The following STT3A variants were observed in gnomAD, a reference collection of about 807,000 sequenced individuals.
The protein encoded by STT3A is dolichyl-diphosphooligosaccharide--protein glycosyltransferase subunit STT3A.
In STT3A, 34 loss-of-function variants were observed where a neutral mutation model predicts 89.2. The observed-to-expected ratio is 0.38, with a 90% CI of 0.29 to 0.51. The LOEUF (loss-of-function observed/expected upper bound fraction) is 0.51. STT3A is among the 20% of genes least tolerant of loss of function. STT3A has a pLI of 0.89. For synonymous variants in STT3A, 282 were observed against 310.3 expected (o/e 0.91, Z 0.96); for missense variants, 555 against 889.5 (o/e 0.62, Z 4.78).
chr11:125,617,952 G>GT (rs1449736221), intron 15 of STT3A, among the ~76,000 whole-genome samples: 5 of 152,008 alleles, frequency 3.3e-5, no homozygotes, highest in African/African-American at 4.8e-5. Context: ...TTTGGGGTTT[G>GT]TTTTTTTTAC....
In STT3A at chr11:125,612,663, C is replaced by G; in HGVS notation, c.1281C>G (p.Ser427=). 6.2e-7 allele frequency: 1 copy of G among 1,614,050 alleles called. No individual in the cohort carries two copies. The highest frequency in any genetic ancestry group is 8.5e-7 in the Non-Finnish European group (1 of 1,180,006). ...GCATTGGAGTCTCCCAGGTGCTGTC[C>G]ACATACATGAAGAATCTGGACATAA... is the stretch of plus-strand genomic sequence containing the variant. ...LSGIGVSQVL[S]TYMKNLDISR... Residue 427 remains serine, a synonymous_variant, in exon 12 of 18, where the codon TCC becomes TCG. Coordinates refer to ENST00000392708, the MANE Select transcript of STT3A (RefSeq NM_152713.5).
At position 125,604,262 on chromosome 11, in the gene STT3A, A is replaced by C. The variant is rs1185000019; in HGVS notation, c.508+15A>C. ...TGATAATGAAGGTAAGACTTTTAAA[A>C]TGCTGAAGAAGATCATCTCACCTCA... On this transcript the variant is annotated intron_variant, in intron 6 of 17. Transcript: ENST00000392708. 6.2e-7 allele frequency: 1 copy of C among 1,612,612 alleles called. No homozygotes were observed. The highest frequency in any genetic ancestry group is 1.3e-5 in the African/African-American group (1 of 74,886).
chr11:125,602,714 A>G, intron 4 of STT3A, 89 bp from the exon 5 acceptor site: 1 of 1,530,486 alleles, frequency 6.5e-7, no homozygotes, highest in East Asian at 2.3e-5. Flanking sequence ...AGACTTACAT[A>G]GTCACTTTAT....
Position 125,613,277 on chromosome 11 carries a change from G to A in STT3A, c.1554+100G>A. 7.6e-7 allele frequency: 1 copy of A among 1,317,508 alleles called. No homozygotes were observed. The highest frequency in any genetic ancestry group is 1.0e-6 in the Non-Finnish European group (1 of 955,602). 81.6% of individuals were successfully genotyped at this position (1,317,508 alleles called of 1,614,324 possible). ...CAGCTTTTAGATGGGTGGAAAGCTG[G>A]GTGAAACTGGAACTTTGCAACTCTA... is the stretch of plus-strand genomic sequence containing the variant. On this transcript the variant is annotated intron_variant, in intron 13 of 17. Coordinates refer to ENST00000392708, the MANE Select transcript of STT3A (RefSeq NM_152713.5). The surrounding 1 kb of genome is among the most constrained non-coding windows in gnomAD (Gnocchi z 4.2).
At chr11:125,620,238 G>A in intron 17 of STT3A, 112 bp downstream of exon 17, 1 of 808,406 alleles carries the variant, frequency 1.2e-6, no homozygotes. Context: ...CATGACACCT[G>A]TGCTTGAAAA....
chr11:125,605,449 T>G (rs56188726), intron 6 of STT3A, among the ~76,000 whole-genome samples, 180 bp from the exon 7 acceptor site: 3 of 152,150 alleles, frequency 2.0e-5, no homozygotes, highest in African/African-American at 4.8e-5. Flanking sequence ...TCAGAACACT[T>G]TTATGAAGTA....
chr11:125,598,135 G>A (rs917804392), intron 3 of STT3A, among the ~76,000 whole-genome samples: 1 of 151,964 alleles, frequency 6.6e-6, no homozygotes, highest in African/African-American at 2.4e-5. Flanking sequence ...TCGCTTGAAC[G>A]CAGGAGGTGG....
At chr11:125,595,468 C>A (rs1591368980) in intron 1 of STT3A, among the ~76,000 whole-genome samples, 1 of 152,116 alleles carries the variant, frequency 6.6e-6, no homozygotes, top group African/African-American at 2.4e-5. Flanking sequence ...GCTTCCCCCC[C>A]TCCGCCCCTG....
chr11:125,592,300 A>C (rs139953537), upstream of STT3A: 62 of 421,572 alleles, frequency 1.5e-4, no homozygotes, highest in African/African-American at 1.0e-3. Context: ...ACTATCAGGC[A>C]CATCCTGCAA....
Position 125,622,666 on chromosome 11 carries a change from T to C in STT3A, c.*1856T>C. 6.6e-6 allele frequency: 1 copy of C among 152,486 alleles called. No individual in the cohort carries two copies. Among genetic ancestry groups the C allele is most frequent in the East Asian group, 1.9e-4 (1 of 5,192 alleles). The allele number at this position is 152,486 out of a possible 1,614,324, so 9.4% of individuals were successfully genotyped here. On this transcript the variant is annotated 3_prime_UTR_variant, in exon 18 of 18. Coordinates refer to ENST00000392708, the MANE Select transcript of STT3A (RefSeq NM_152713.5). ...TGGGAGGCTGAAGCATGCGGATCAC[T>C]TGAGCCCAGGAGTTCAAGACCAGCC...
chr11:125,597,813 T>C (rs1298772773), intron 3 of STT3A, among the ~76,000 whole-genome samples: 3 of 152,258 alleles, frequency 2.0e-5, no homozygotes, highest in Admixed American at 6.5e-5. Flanking sequence ...TATTAATAAC[T>C]AGTATTTACT....
chr11:125,599,434 CAG>C (rs1290325343), intron 3 of STT3A, among the ~76,000 whole-genome samples: 2 of 151,958 alleles, frequency 1.3e-5, no homozygotes, highest in African/African-American at 4.8e-5. Flanking sequence ...TTTTTGGAAA[CAG>C]GGTCTTGCTG....
At position 125,606,291 on chromosome 11, in the gene STT3A, T is replaced by A; in HGVS notation, c.616-10T>A. ...ACTCAGAGGAACTGTTTTTTTCTAT[T>A]CCATCATAGGTCTCGTCATGGGGAG... On this transcript the variant is annotated splice_polypyrimidine_tract_variant and intron_variant, in intron 7 of 17. Coordinates refer to ENST00000392708, the MANE Select transcript of STT3A (RefSeq NM_152713.5). The A allele has an allele frequency of 6.2e-7, 1 of 1,611,298 alleles. No homozygotes were observed. The highest frequency in any genetic ancestry group is 8.5e-7 in the Non-Finnish European group (1 of 1,178,912).
At position 125,611,452 on chromosome 11, in the gene STT3A, A is replaced by G. The variant is rs1940012009; in HGVS notation, c.1142A>G (p.Asn381Ser). 1 of 1,613,952 alleles carries G rather than the reference A, an allele frequency of 6.2e-7. No individual in the cohort carries two copies. Among genetic ancestry groups the G allele is most frequent in the Non-Finnish European group, 8.5e-7 (1 of 1,179,926 alleles). Residue 381 changes from asparagine to serine, a missense_variant, in exon 11 of 18, where the codon AAC (asparagine) becomes AGC (serine). By Grantham distance (46) the Asn-to-Ser change is conservative (BLOSUM62 1). This residue lies in a region of STT3A where 273 missense variants were observed against 449.8 expected (regional missense o/e 0.61). Transcript: ENST00000392708. ...GTTGGCCTCTATTACTGCTTTAGCAACCTGTCTGATGCCCGGATTTTTATC... is the reference window on the plus strand; with the variant it reads ...GTTGGCCTCTATTACTGCTTTAGCAGCCTGTCTGATGCCCGGATTTTTATC... Reference protein sequence around the residue: ...FPVGLYYCFSNLSDARIFIIM... With the variant: ...FPVGLYYCFSSLSDARIFIIM...
intron 9 of STT3A, 154 bp from the exon 10 acceptor site, chr11:125,609,280 G>T: frequency 1.2e-6 from 1 of 838,176 alleles, no homozygotes. Context: ...AGAAAGGAAG[G>T]AGTGAAACTC....
rs1343419870 is a variant in STT3A at position 125,614,266 on chromosome 11, A to C, written c.1672-58A>C. The C allele has an allele frequency of 5.6e-6, 9 of 1,612,656 alleles. No homozygotes were observed. Among genetic ancestry groups the C allele is most frequent in the South Asian group, 1.1e-5 (1 of 91,068 alleles). ...AAGGTCTAATGGGAAATGTGTCTGCATGAGGGGATCATATGACTTGGGATT... is the reference window on the plus strand; with the variant it reads ...AAGGTCTAATGGGAAATGTGTCTGCCTGAGGGGATCATATGACTTGGGATT... On this transcript the variant is annotated intron_variant, in intron 14 of 17. Transcript: ENST00000392708. The surrounding 1 kb of genome is among the most constrained non-coding windows in gnomAD (Gnocchi z 4.9).
intron 17 of STT3A, 48 bp from the exon 18 acceptor site, chr11:125,620,717 ATTTCTCC>A: frequency 6.3e-7 from 1 of 1,578,478 alleles, no homozygotes; most frequent in Admixed American, 1.7e-5. Context: ...TTAGTAGAAA[ATTTCTCC>A]AAAGTTGATC....
intron 11 of STT3A, among the ~76,000 whole-genome samples, chr11:125,611,863 ATTTTTTTTT>A (rs59685125): frequency 1.6e-4 from 9 of 56,972 alleles, no homozygotes; most frequent in East Asian, 1.2e-3. Flanking sequence ...AGGGATTTGA[ATTTTTTTTT>A]TTTTTTTTTT....
Position 125,614,477 on chromosome 11 carries a change from C to A in STT3A, c.1774+51C>A, listed in dbSNP as rs374738976. On this transcript the variant is annotated intron_variant, in intron 15 of 17. Coordinates refer to ENST00000392708, the MANE Select transcript of STT3A (RefSeq NM_152713.5). This position sits in a 1 kb window ranked among gnomAD's most constrained non-coding sequence, Gnocchi z 4.9. ...CTGCAGGACATAGATTCTAAGAAAA[C>A]TAGATGAATATCCTAGTTTTCTGTA... 2.6e-6 allele frequency: 4 copies of A among 1,509,884 alleles called. No homozygotes were observed. The African/African-American group carries it at 5.5e-5, about 21-fold the overall frequency. The allele number at this position is 1,509,884 out of a possible 1,614,324, so 93.5% of individuals were successfully genotyped here. A position where few individuals can be genotyped will look rare whatever the true frequency, so the allele number is the denominator to read the frequency against.
Sources: gnomAD v4.1 joint callset for allele counts (sites outside exome capture counted in the v4.1 genomes callset) on GRCh38, gnomAD v4.1.1 for gene constraint, gnomAD v4.1.1 regional missense constraint, Gnocchi (gnomAD v3.1) non-coding constraint, MANE v1.5 for transcripts, NCBI Gene and HGNC (gene_info 2026-07-23, HGNC 2026-07-21) for gene names.